Variants in SEPTIN4 observed in about 807,000 individuals in gnomAD.
SEPTIN4 encodes septin-4.
A neutral mutation model predicts 107.1 loss-of-function variants in SEPTIN4; 52 were observed. The observed-to-expected ratio is 0.49, with a 90% confidence interval of 0.39 to 0.61. The LOEUF (loss-of-function observed/expected upper bound fraction) is 0.61. SEPTIN4 is among the 20% of genes least tolerant of loss of function. The probability of loss-of-function intolerance (pLI) is 0.00; values close to 1 mark genes in which losing one functional copy is unlikely to be tolerated. For synonymous variants in SEPTIN4, 417 were observed against 467.0 expected (o/e 0.89, Z 1.38); for missense variants, 1,048 against 1,243.5 (o/e 0.84, Z 2.36).
Position 58,540,651 on chromosome 17 carries a change from C to T in SEPTIN4, c.1614+15G>A, listed in dbSNP as rs1325532036. On this transcript the variant is annotated intron_variant, in intron 3 of 13. Transcript: ENST00000672673. ...CCCAGGAAGACTGGGAGTAACCTCC[C>T]AGGGGCATTCTTACCTCCTCATCTG... 2 of 1,358,630 alleles carry T rather than the reference C, an allele frequency of 1.5e-6. No individual in the cohort carries two copies. The highest frequency in any genetic ancestry group is 1.9e-6 in the Non-Finnish European group (2 of 1,061,512). 84.2% of individuals were successfully genotyped at this position (1,358,630 alleles called of 1,614,324 possible).
rs760097428 is a variant in SEPTIN4 at position 58,521,146 on chromosome 17, G to A, written c.2683C>T (p.His895Tyr). Residue 895 changes from histidine (H) to tyrosine (Y), a missense_variant, in exon 12 of 14, where the codon CAC becomes TAC. This residue lies in a region of SEPTIN4 where 261 missense variants were observed against 371.7 expected (regional missense o/e 0.70). Transcript: ENST00000672673. The surrounding 1 kb of genome is among the most constrained non-coding windows in gnomAD (Gnocchi z 6.4). ...WGIVEVENPG[H>Y]CDFVKLRTML... ...GTCCTCAGCTTCACAAAGTCGCAGT[G>A]CCCTGGGTTTTCCACTGCATAGCAA... The A allele has an allele frequency of 6.2e-7, 1 of 1,614,198 alleles. No individual in the cohort carries two copies. Among genetic ancestry groups the A allele is most frequent in the East Asian group, 2.2e-5 (1 of 44,878 alleles).
intron 3 of SEPTIN4, among the ~76,000 whole-genome samples, chr17:58,535,911 T>C (rs1172884701): frequency 6.6e-6 from 1 of 152,210 alleles, no homozygotes; most frequent in Non-Finnish European, 1.5e-5. Context: ...AGACAAGCCT[T>C]GAGGCTCTGC....
intron 3 of SEPTIN4, chr17:58,532,095 C>T (rs1238368379): frequency 2.8e-6 from 3 of 1,073,536 alleles, no homozygotes; most frequent in Non-Finnish European, 3.4e-6. Context: ...GGGAGGGGCC[C>T]GGCGGCGGGG....
Position 58,526,980 on chromosome 17 carries a change from T to TGGG in SEPTIN4, c.1615-5_1615-3dup, listed in dbSNP as rs1567963626. 2 of 1,613,626 alleles carry TGGG rather than the reference T, an allele frequency of 1.2e-6. No individual in the cohort carries two copies. Among genetic ancestry groups the TGGG allele is most frequent in the African/African-American group, 2.7e-5 (2 of 74,810 alleles). On this transcript the variant is annotated splice_polypyrimidine_tract_variant and splice_region_variant and intron_variant, in intron 3 of 13. Coordinates refer to ENST00000672673, the MANE Select transcript of SEPTIN4 (RefSeq NM_001368771.2). ...GGTGTCCTCCAGGAAACGCTTGATC[T>TGGG]GGGGGAAGCGGGGTGGGTAGAATAG... is the stretch of plus-strand genomic sequence containing the variant.
intron 3 of SEPTIN4, chr17:58,527,980 T>G (rs762717368): frequency 5.1e-6 from 5 of 985,584 alleles, no homozygotes; most frequent in Non-Finnish European, 6.0e-6. Flanking sequence ...ACTCTCATTG[T>G]CAGCTCTAGA....
chr17:58,541,275 G>C (rs1296707402), intron 2 of SEPTIN4, among the ~76,000 whole-genome samples: 1 of 152,198 alleles, frequency 6.6e-6, no homozygotes, highest in Non-Finnish European at 1.5e-5. Flanking sequence ...ACAGCAAGAA[G>C]TCCCTGCTGC....
At position 58,542,970 on chromosome 17, in the gene SEPTIN4, A is replaced by C; in HGVS notation, c.1217T>G (p.Leu406Arg). 6.2e-7 allele frequency: 1 copy of C among 1,613,802 alleles called. No homozygotes were observed. Among genetic ancestry groups the C allele is most frequent in the Non-Finnish European group, 8.5e-7 (1 of 1,179,866 alleles). ...LSQKPSIHAE[L>R]ELTPRPLPPR... The stretch of plus-strand genomic sequence containing the variant: ...AGGCAAGGGCCTAGGGGTCAGTTCC[A>C]GTTCTGCATGGATGGAGGGCTTTTG... The change falls in exon 1 of 14, where the codon CTG becomes CGG. Residue 406 changes from leucine (L) to arginine (R), a missense_variant. Coordinates refer to ENST00000672673, the MANE Select transcript of SEPTIN4 (RefSeq NM_001368771.2).
chr17:58,538,423 G>A lies in SEPTIN4; in HGVS notation c.1614+2243C>T, dbSNP rs2043788363. 6.6e-6 allele frequency among the ~76,000 whole-genome samples: 1 copy of A among 152,162 alleles called. No individual in the cohort carries two copies. Among genetic ancestry groups the A allele is most frequent in the African/African-American group, 2.4e-5 (1 of 41,438 alleles). On this transcript the variant is annotated intron_variant, in intron 3 of 13. Coordinates refer to ENST00000672673, the MANE Select transcript of SEPTIN4 (RefSeq NM_001368771.2). This position sits in a 1 kb window ranked among gnomAD's most constrained non-coding sequence, Gnocchi z 4.7. ...AAACCACCTTGCCCTATGACAGCCTGAGAAGTCACATTTAAGGATGAGTAG... is the reference window on the plus strand; with the variant it reads ...AAACCACCTTGCCCTATGACAGCCTAAGAAGTCACATTTAAGGATGAGTAG...
At chr17:58,533,316 G>C (rs1297245074) in intron 3 of SEPTIN4, among the ~76,000 whole-genome samples, 1 of 152,178 alleles carries the variant, frequency 6.6e-6, no homozygotes, top group Admixed American at 6.5e-5. Flanking sequence ...TCCTAGCTGG[G>C]TGGCCTTGAG....
Position 58,542,804 on chromosome 17 carries a change from A to C in SEPTIN4, c.1383T>G (p.Gly461=). 6.2e-7 allele frequency: 1 copy of C among 1,614,088 alleles called. No individual in the cohort carries two copies. The highest frequency in any genetic ancestry group is 8.5e-7 in the Non-Finnish European group (1 of 1,180,014). The change falls in exon 1 of 14, where the codon GGT becomes GGG. Residue 461 remains glycine (G), a synonymous_variant. Coordinates refer to ENST00000672673, the MANE Select transcript of SEPTIN4 (RefSeq NM_001368771.2). ...CSPSLDLLLS[G]FKIDSSPFCE... is the part of the protein sequence containing the mutation. ...AGAAAGGGCTAGAGTCTATTTTAAA[A>C]CCGGACAATAAAAGATCTAGGGAAG...
At chr17:58,540,487 T>C (rs1598320876) in intron 3 of SEPTIN4, among the ~76,000 whole-genome samples, 179 bp downstream of exon 3, 1 of 152,234 alleles carries the variant, frequency 6.6e-6, no homozygotes, top group South Asian at 2.1e-4. Flanking sequence ...ACACAGGTTA[T>C]ATTTCAGCCC....
At position 58,543,016 on chromosome 17, in the gene SEPTIN4, G is replaced by T. The variant is rs1274452666; in HGVS notation, c.1171C>A (p.Pro391Thr). 3 of 1,612,266 alleles carry T rather than the reference G, an allele frequency of 1.9e-6. No individual in the cohort carries two copies. Among genetic ancestry groups the T allele is most frequent in the Non-Finnish European group, 2.5e-6 (3 of 1,179,224 alleles). Residue 391 changes from proline (P) to threonine (T), a missense_variant, in exon 1 of 14, where the codon CCC becomes ACC. This residue lies in a region of SEPTIN4 where 787 missense variants were observed against 871.8 expected (regional missense o/e 0.90). Coordinates refer to ENST00000672673, the MANE Select transcript of SEPTIN4 (RefSeq NM_001368771.2). ...EITYMSQGPTPRYPELSQKPS... is the reference protein window; with the variant it reads ...EITYMSQGPTTRYPELSQKPS... ...TTTTGCGAGAGTTCTGGATACCTGGGTGTAGGTCCTTGGGACATGTAAGTA... is the reference window on the plus strand; with the variant it reads ...TTTTGCGAGAGTTCTGGATACCTGGTTGTAGGTCCTTGGGACATGTAAGTA...
In SEPTIN4 at chr17:58,521,414, C is replaced by T. The variant is rs774287688; in HGVS notation, c.2572-64G>A. 4 of 1,575,652 alleles carry T rather than the reference C, an allele frequency of 2.5e-6. No individual in the cohort carries two copies. The highest frequency in any genetic ancestry group is 1.1e-5 in the South Asian group (1 of 90,354). On this transcript the variant is annotated intron_variant, in intron 10 of 13. Coordinates refer to ENST00000672673, the MANE Select transcript of SEPTIN4 (RefSeq NM_001368771.2). The surrounding 1 kb of genome is among the most constrained non-coding windows in gnomAD (Gnocchi z 6.4). ...CTCACCTCTTTCTTTCCACCTGTAT[C>T]GTCATCTTCTCTGCTTCATTCTAGG... is the stretch of plus-strand genomic sequence containing the variant.
Position 58,541,918 on chromosome 17 carries a change from A to C in SEPTIN4, c.1606+4T>G. On this transcript the variant is annotated splice_donor_region_variant and intron_variant, in intron 2 of 13. Transcript: ENST00000672673. ...GTGGGCCCATAGGAGGGAAAAGCAC[A>C]GACCTTTTAGCCACCAGATGACACG... 1 of 1,614,112 alleles carries C rather than the reference A, an allele frequency of 6.2e-7. No homozygotes were observed. The highest frequency in any genetic ancestry group is 2.2e-5 in the East Asian group (1 of 44,880).
chr17:58,542,459 G>C (rs1216472455), intron 1 of SEPTIN4, among the ~76,000 whole-genome samples, 167 bp downstream of exon 1: 1 of 152,206 alleles, frequency 6.6e-6, no homozygotes, highest in Non-Finnish European at 1.5e-5. Flanking sequence ...GCACAGAGAA[G>C]CTGGCAGGGA....
rs2144001952 is a variant in SEPTIN4 at position 58,521,483 on chromosome 17, C to G, written c.2571+62G>C. 1 of 1,589,998 alleles carries G rather than the reference C, an allele frequency of 6.3e-7. No homozygotes were observed. The highest frequency in any genetic ancestry group is 8.6e-7 in the Non-Finnish European group (1 of 1,158,544). On this transcript the variant is annotated intron_variant, in intron 10 of 13. Coordinates refer to ENST00000672673, the MANE Select transcript of SEPTIN4 (RefSeq NM_001368771.2). This position sits in a 1 kb window ranked among gnomAD's most constrained non-coding sequence, Gnocchi z 6.4. ...ACCCTGATAGCCTGAATATAGAATTCTACTCCCTTTTTCTACCCGGAAGAA... is the reference window on the plus strand; with the variant it reads ...ACCCTGATAGCCTGAATATAGAATTGTACTCCCTTTTTCTACCCGGAAGAA...
intron 3 of SEPTIN4, chr17:58,531,581 G>GT (rs1839977040): frequency 6.3e-6 from 1 of 159,640 alleles, no homozygotes; most frequent in Admixed American, 6.4e-5. Flanking sequence ...GTGAGGAGGG[G>GT]TTACTCAGGT....
intron 7 of SEPTIN4, 77 bp from the exon 8 acceptor site, chr17:58,522,178 G>C (rs947579304): frequency 1.9e-5 from 30 of 1,567,788 alleles, no homozygotes; most frequent in Middle Eastern, 1.8e-4. Context: ...CAGAGAAGTA[G>C]CCCACTCCCT....
intron 3 of SEPTIN4, chr17:58,528,334 G>A (rs1302365170): frequency 6.6e-6 from 1 of 152,300 alleles, no homozygotes; most frequent in South Asian, 2.1e-4. Flanking sequence ...CTGCCAGGCT[G>A]TTGCCTCTGA....
Sources: allele counts gnomAD v4.1 joint callset (sites outside exome capture counted in the v4.1 genomes callset), GRCh38; gene constraint gnomAD v4.1.1; regional missense constraint gnomAD v4.1.1; non-coding constraint Gnocchi (gnomAD v3.1); transcripts MANE v1.5; gene names NCBI Gene and HGNC (gene_info 2026-07-23, HGNC 2026-07-21).